CPOX: variants seen among roughly 807,000 people sequenced by gnomAD.
CPOX encodes oxygen-dependent coproporphyrinogen-III oxidase, mitochondrial.
Under a neutral mutation model 48.9 loss-of-function variants are expected in CPOX, and 24 were observed. That is an observed-to-expected ratio of 0.49 (90% confidence interval 0.36 to 0.69). The LOEUF is 0.69. CPOX is among the 30% of genes least tolerant of loss of function. The pLI is 0.00. For missense variants in CPOX, 549 were observed against 597.3 expected, an observed-to-expected ratio of 0.92 and a Z score of 0.84; for synonymous variants, 249 against 234.6, an observed-to-expected ratio of 1.06 and a Z score of -0.56.
At chr3:98,576,188 G>A (rs913381407), downstream of CPOX, among the ~76,000 whole-genome samples, 1 of 151,076 alleles carries the variant, frequency 6.6e-6, no homozygotes, top group Non-Finnish European at 1.5e-5. Flanking sequence ...ATAAAGGAAA[G>A]AGGTTTAATT....
intron 5 of CPOX, 86 bp downstream of exon 5, chr3:98,585,355 A>G: frequency 9.9e-7 from 1 of 1,014,064 alleles, no homozygotes; most frequent in Non-Finnish European, 1.6e-6. Flanking sequence ...ATTACAAAGT[A>G]TCTGACAACA....
At chr3:98,579,368 G>T, downstream of CPOX, 2 of 454,300 alleles carry the variant, frequency 4.4e-6, no homozygotes, top group Non-Finnish European at 5.8e-6. Flanking sequence ...TAGCCCTAAT[G>T]TTGTTCAAGG....
chr3:98,592,879 T>C (rs1576306331), intron 1 of CPOX, 70 bp downstream of exon 1: 2 of 1,509,542 alleles, frequency 1.3e-6, no homozygotes, highest in East Asian at 2.4e-5. Flanking sequence ...CTATTATATT[T>C]TCTGTCTGCA....
chr3:98,593,244 C>T lies in CPOX; in HGVS notation c.261G>A (p.Gly87=), dbSNP rs1707517772. ...CATGCCCGAAGGCGGCGGTGGCCAG[C>T]CCCACCAACCCCGCCAGCGCCGCGG... is the stretch of plus-strand genomic sequence containing the variant. ...GLAAALAGLV[G]LATAAFGHVQ... The change falls in exon 1 of 7, where the codon GGG becomes GGA. Residue 87 remains glycine, a synonymous_variant. Transcript: ENST00000647941. 2 of 1,531,304 alleles carry T rather than the reference C, an allele frequency of 1.3e-6. No homozygotes were observed. The highest frequency in any genetic ancestry group is 2.3e-5 in the East Asian group (1 of 43,280). 94.9% of individuals were successfully genotyped at this position (1,531,304 alleles called of 1,614,324 possible). A position where few individuals can be genotyped will look rare whatever the true frequency, so the allele number is the denominator to read the frequency against.
chr3:98,578,288 G>GA, downstream of CPOX: 1 of 949,920 alleles, frequency 1.1e-6, no homozygotes, highest in Non-Finnish European at 1.3e-6. Context: ...CAAATGCACA[G>GA]AAAAATTTTA....
At chr3:98,581,741 A>C (rs182086907) in intron 5 of CPOX, among the ~76,000 whole-genome samples, 1 of 152,328 alleles carries the variant, frequency 6.6e-6, no homozygotes, top group East Asian at 1.9e-4. Context: ...CCCAACATAG[A>C]GCAGTCACAA....
chr3:98,586,612 CT>C (rs1181831157), intron 4 of CPOX, among the ~76,000 whole-genome samples: 2 of 152,150 alleles, frequency 1.3e-5, no homozygotes, highest in African/African-American at 4.8e-5. Flanking sequence ...GTTCTTGAGT[CT>C]TTTCCCCTCT....
At chr3:98,578,840 A>G (rs1707198953), downstream of CPOX, among the ~76,000 whole-genome samples, 1 of 152,216 alleles carries the variant, frequency 6.6e-6, no homozygotes. Context: ...ACCTGCTGTT[A>G]GCCATTTGGG....
intron 6 of CPOX, among the ~76,000 whole-genome samples, chr3:98,581,008 G>A (rs1204377015): frequency 1.3e-5 from 2 of 152,024 alleles, no homozygotes; most frequent in Admixed American, 6.6e-5. Context: ...ATATCCCAGA[G>A]CCAAAATACA....
rs753601837 is a variant in CPOX, at chr3:98,585,568, C to T, written c.1045G>A (p.Glu349Lys). The T allele has an allele frequency of 1.2e-6, 2 of 1,614,026 alleles. No homozygotes were observed. Among genetic ancestry groups the T allele is most frequent in the African/African-American group, 1.3e-5 (1 of 74,920 alleles). ...CAGCTCTGTACAAAGCGAAACACCTCCTCCTTGGACGGAGAGTCAAGATCA... is the reference window on the plus strand; with the variant it reads ...CAGCTCTGTACAAAGCGAAACACCTTCTCCTTGGACGGAGAGTCAAGATCA... ...FDDLDSPSKE[E>K]VFRFVQSCAR... The change falls in exon 5 of 7, where the codon GAG becomes AAG. Residue 349 changes from glutamate (E) to lysine (K), a missense_variant. Physicochemically the swap from Glu to Lys is moderately conservative, Grantham distance 56 (BLOSUM62 1). This residue lies in a region of CPOX where 213 missense variants were observed against 279.1 expected (regional missense o/e 0.76). Transcript: ENST00000647941.
rs2107126046 is a variant in CPOX, at chr3:98,588,729, G to T, written c.937C>A (p.Pro313Thr). 2 of 1,614,034 alleles carry T rather than the reference G, an allele frequency of 1.2e-6. No individual in the cohort carries two copies. The highest frequency in any genetic ancestry group is 1.7e-6 in the Non-Finnish European group (2 of 1,180,008). Residue 313 changes from proline (P) to threonine (T), a missense_variant, in exon 4 of 7, where the codon CCC (proline) becomes ACC (threonine). Coordinates refer to ENST00000647941, the MANE Select transcript of CPOX (RefSeq NM_000097.7). ...TTTACCTACCATTTTTTAAATTTGG[G>T]GTAGAGATCTGGACCATGCTGGTCA... ...ACDQHGPDLY[P>T]KFKKWCDDYF...
At chr3:98,588,622 A>C (rs1707411416) in intron 4 of CPOX, 91 bp downstream of exon 4, 1 of 1,354,896 alleles carries the variant, frequency 7.4e-7, no homozygotes, top group African/African-American at 1.4e-5. Context: ...CATTTTCATA[A>C]GCAGAAGAGG....
At chr3:98,575,035 C>G (rs1219185944), downstream of CPOX, among the ~76,000 whole-genome samples, 4 of 152,132 alleles carry the variant, frequency 2.6e-5, no homozygotes, top group East Asian at 1.9e-4. Context: ...ATTCTAAAAG[C>G]CTGTCTCCCT....
At position 98,590,754 on chromosome 3, in the gene CPOX, AAT is replaced by A; in HGVS notation, c.701-14_701-13del. 6.4e-7 allele frequency: 1 copy of A among 1,564,712 alleles called. No homozygotes were observed. The highest frequency in any genetic ancestry group is 8.8e-7 in the Non-Finnish European group (1 of 1,135,202). On this transcript the variant is annotated splice_polypyrimidine_tract_variant and intron_variant, in intron 2 of 6. Coordinates refer to ENST00000647941, the MANE Select transcript of CPOX (RefSeq NM_000097.7). ...AAATGGCAATTTACCTGGAAAGTAA[AAT>A]ATGAGTCATGAGCTATATTCAGTTA...
At chr3:98,574,621 G>A (rs146866465), downstream of CPOX, among the ~76,000 whole-genome samples, 171 of 152,254 alleles carry the variant, frequency 1.1e-3, 1 homozygote, top group African/African-American at 3.6e-3. Context: ...TCGCGCCGTC[G>A]CGCAGGCTGG....
Position 98,593,558 on chromosome 3 carries a change from G to T in CPOX, c.-54C>A. Reference sequence around the variant, plus strand: ...CTGCGTCCCAGAGCCCTGCGTTTGAGCCCCCCACCCAGACCCCCGGAGTAT... The same window carrying T: ...CTGCGTCCCAGAGCCCTGCGTTTGATCCCCCCACCCAGACCCCCGGAGTAT... On this transcript the variant is annotated 5_prime_UTR_variant, in exon 1 of 7. Coordinates refer to ENST00000647941, the MANE Select transcript of CPOX (RefSeq NM_000097.7). 1 of 1,486,796 alleles carries T rather than the reference G, an allele frequency of 6.7e-7. No individual in the cohort carries two copies. The highest frequency in any genetic ancestry group is 9.0e-7 in the Non-Finnish European group (1 of 1,116,384). 92.1% of individuals were successfully genotyped at this position (1,486,796 alleles called of 1,614,324 possible).
Position 98,593,398 on chromosome 3 carries a change from C to A in CPOX, c.107G>T (p.Arg36Leu), listed in dbSNP as rs2107137120. Residue 36 changes from arginine (R) to leucine (L), a missense_variant, in exon 1 of 7, where the codon CGA (arginine) becomes CTA (leucine). Arg to Leu is a moderately radical substitution (Grantham distance 102). Coordinates refer to ENST00000647941, the MANE Select transcript of CPOX (RefSeq NM_000097.7). The stretch of plus-strand genomic sequence containing the variant: ...GGCTGCGCTGCGCTGGGACCAGGCT[C>A]GGAGCCCTCCGCCGCCGCACTGGGA... ...AWSQCGGGGLRAWSQRSAAGR... is the reference protein window; with the variant it reads ...AWSQCGGGGLLAWSQRSAAGR... 5 of 1,418,644 alleles carry A rather than the reference C, an allele frequency of 3.5e-6. No individual in the cohort carries two copies. The East Asian group carries it at 1.5e-4, about 43-fold the overall frequency. 87.9% of individuals were successfully genotyped at this position (1,418,644 alleles called of 1,614,324 possible).
chr3:98,590,558 T>C, intron 3 of CPOX, 74 bp downstream of exon 3: 1 of 1,034,654 alleles, frequency 9.7e-7, no homozygotes, highest in Non-Finnish European at 1.5e-6. Context: ...CGCTTTTAGA[T>C]GTTATGCCCT....
rs1181359176 is a variant in CPOX, at chr3:98,593,609, A to G, written c.-105T>C. The G allele has an allele frequency of 1.6e-6, 2 of 1,246,434 alleles. No individual in the cohort carries two copies. Among genetic ancestry groups the G allele is most frequent in the Admixed American group, 5.3e-5 (2 of 37,610 alleles). The allele number at this position is 1,246,434 out of a possible 1,614,324, so 77.2% of individuals were successfully genotyped here. A position where few individuals can be genotyped will look rare whatever the true frequency, so the allele number is the denominator to read the frequency against. ...TGAGCCGGCGAGCTGCACAGGCGGA[A>G]AGAACCTTTCGAGAAGAGCCGCTGC... On this transcript the variant is annotated 5_prime_UTR_variant, in exon 1 of 7. Coordinates refer to ENST00000647941, the MANE Select transcript of CPOX (RefSeq NM_000097.7).
Sources: gnomAD v4.1 joint callset for allele counts (sites outside exome capture counted in the v4.1 genomes callset) on GRCh38, gnomAD v4.1.1 for gene constraint, gnomAD v4.1.1 regional missense constraint, MANE v1.5 for transcripts, NCBI Gene and HGNC (gene_info 2026-07-23, HGNC 2026-07-21) for gene names.